The following COL26A1 variants were observed in gnomAD, a reference collection of about 807,000 sequenced individuals.
COL26A1 encodes the protein collagen type XXVI alpha 1 chain, also known as collagen alpha-1(XXVI) chain.
COL26A1 carries 41 observed loss-of-function variants against 59.3 expected under a neutral mutation model. The ratio of observed to expected loss-of-function variants is 0.69; its 90% CI spans 0.54 to 0.90. COL26A1 has a LOEUF of 0.90. Ranked by LOEUF, COL26A1 falls within the 40% of genes least tolerant of loss-of-function variation. The pLI, the probability that COL26A1 is intolerant of heterozygous loss-of-function variation, is 0.00. For missense variants in COL26A1, 612 were observed against 602.3 expected (o/e 1.02, Z -0.17); for synonymous variants, 266 against 256.0 (o/e 1.04, Z -0.37).
intron 3 of COL26A1, among the ~76,000 whole-genome samples, chr7:101,509,445 C>CA (rs34643554): frequency 1.5e-4 from 22 of 151,236 alleles, no homozygotes; most frequent in Admixed American, 5.3e-4. Context: ...GACCCTGTCT[C>CA]AAAAAAAAGA....
intron 3 of COL26A1, among the ~76,000 whole-genome samples, chr7:101,476,944 A>G (rs865964074): frequency 4.1e-5 from 6 of 145,576 alleles, no homozygotes; most frequent in Non-Finnish European, 7.6e-5. Flanking sequence ...CCTGGGTTCA[A>G]GTGATTCTCC....
chr7:101,480,658 G>A (rs1333005102), intron 3 of COL26A1, among the ~76,000 whole-genome samples: 1 of 151,984 alleles, frequency 6.6e-6, no homozygotes, highest in Non-Finnish European at 1.5e-5. Context: ...GCGTCACCAT[G>A]CCCAGCTTTT....
intron 3 of COL26A1, among the ~76,000 whole-genome samples, chr7:101,480,257 A>G (rs1476023969): frequency 2.0e-5 from 3 of 151,914 alleles, no homozygotes; most frequent in African/African-American, 7.2e-5. Flanking sequence ...CTTTCATTTT[A>G]TTTGTCTTCT....
At chr7:101,430,935 A>G (rs1295424016) in intron 2 of COL26A1, among the ~76,000 whole-genome samples, 3 of 152,078 alleles carry the variant, frequency 2.0e-5, no homozygotes, top group Non-Finnish European at 4.4e-5. Context: ...CTGGGATTAC[A>G]GGTGGCCCAC....
At chr7:101,499,061 G>C (rs1293374247) in intron 3 of COL26A1, among the ~76,000 whole-genome samples, 1 of 152,234 alleles carries the variant, frequency 6.6e-6, no homozygotes, top group Non-Finnish European at 1.5e-5. Context: ...ATGCTTTCCA[G>C]ATTGGGGGCG....
intron 3 of COL26A1, among the ~76,000 whole-genome samples, chr7:101,506,055 C>A (rs1050506224): frequency 6.6e-6 from 1 of 152,180 alleles, no homozygotes; most frequent in Non-Finnish European, 1.5e-5. Flanking sequence ...ACACCACAGC[C>A]CTTGAATTCT....
intron 3 of COL26A1, among the ~76,000 whole-genome samples, chr7:101,521,821 A>G (rs1366132345): frequency 1.3e-5 from 2 of 151,998 alleles, no homozygotes; most frequent in Admixed American, 6.6e-5. Flanking sequence ...CTGAATTCCA[A>G]CACCTTAGAC....
chr7:101,514,830 G>A (rs1051967201), intron 3 of COL26A1, among the ~76,000 whole-genome samples: 3 of 152,204 alleles, frequency 2.0e-5, no homozygotes, highest in Non-Finnish European at 2.9e-5. Flanking sequence ...CTACCCATCC[G>A]CCACCACCAT....
At position 101,421,143 on chromosome 7, in the gene COL26A1, T is replaced by C. The variant is rs150618609; in HGVS notation, c.281+1044T>C. On this transcript the variant is annotated intron_variant, in intron 2 of 12. Coordinates refer to ENST00000313669, the MANE Select transcript of COL26A1 (RefSeq NM_001278563.3). Reference sequence around the variant, plus strand: ...AGGGAGAGTGGGAGAGAGATTGAAATGGTAAGGAATTGGCTTGTATGATTA... The same window carrying C: ...AGGGAGAGTGGGAGAGAGATTGAAACGGTAAGGAATTGGCTTGTATGATTA... Among the ~76,000 whole-genome samples the C allele has an allele frequency of 3.8e-3, 581 of 152,172 alleles. 3 individuals carry two copies. The highest frequency in any genetic ancestry group is 0.013 in the African/African-American group (559 of 41,520).
At chr7:101,396,171 G>T (rs958488821) in intron 1 of COL26A1, among the ~76,000 whole-genome samples, 1 of 151,974 alleles carries the variant, frequency 6.6e-6, no homozygotes, top group Admixed American at 6.6e-5. Flanking sequence ...GGAGGGTGAG[G>T]GGGGGATAAT....
At chr7:101,425,154 A>C (rs573866569) in intron 2 of COL26A1, among the ~76,000 whole-genome samples, 1 of 147,970 alleles carries the variant, frequency 6.8e-6, no homozygotes, top group South Asian at 2.1e-4. Context: ...TGGGAGGCTC[A>C]GATGGGTGGA....
At chr7:101,430,891 T>C (rs1792763298) in intron 2 of COL26A1, among the ~76,000 whole-genome samples, 1 of 152,100 alleles carries the variant, frequency 6.6e-6, no homozygotes, top group Non-Finnish European at 1.5e-5. Flanking sequence ...CCTCCCGGGT[T>C]CAAGCAATTC....
chr7:101,491,081 CAA>C (rs796084205), intron 3 of COL26A1, among the ~76,000 whole-genome samples: 6 of 136,084 alleles, frequency 4.4e-5, no homozygotes, highest in Admixed American at 7.5e-5. Context: ...ATGTGTGAGG[CAA>C]AAAAAAAAAG....
At chr7:101,476,994 C>T (rs1486422043) in intron 3 of COL26A1, among the ~76,000 whole-genome samples, 1 of 152,056 alleles carries the variant, frequency 6.6e-6, no homozygotes, top group Non-Finnish European at 1.5e-5. Flanking sequence ...CAGGCATGCA[C>T]CACCACGCCC....
intron 3 of COL26A1, among the ~76,000 whole-genome samples, chr7:101,463,520 C>G (rs1167968600): frequency 5.9e-5 from 6 of 101,270 alleles, no homozygotes; most frequent in Admixed American, 9.4e-5. Context: ...TCCCTTCCCC[C>G]CTCTTCCCCC....
At chr7:101,363,226 G>A (rs771382326) in intron 1 of COL26A1, 36 bp downstream of exon 1, 1 of 1,224,406 alleles carries the variant, frequency 8.2e-7, no homozygotes, top group South Asian at 1.6e-5. Context: ...GGGGGGTGGG[G>A]GGAGGGAGCG....
chr7:101,422,401 T>C (rs1036616132), intron 2 of COL26A1, among the ~76,000 whole-genome samples: 1 of 150,532 alleles, frequency 6.6e-6, no homozygotes, highest in Non-Finnish European at 1.5e-5. Flanking sequence ...AAAAGCTTTT[T>C]CCTTTTCAGC....
At chr7:101,528,103 G>A (rs1795288124) in intron 3 of COL26A1, among the ~76,000 whole-genome samples, 1 of 152,114 alleles carries the variant, frequency 6.6e-6, no homozygotes, top group African/African-American at 2.4e-5. Context: ...GGGCCTCTAG[G>A]GCCTCACCAC....
intron 1 of COL26A1, among the ~76,000 whole-genome samples, chr7:101,390,470 G>A (rs1209436058): frequency 6.6e-6 from 1 of 152,130 alleles, no homozygotes. Flanking sequence ...CTGTTGTTCA[G>A]GCTGGAGGGC....
Sources: gnomAD v4.1 joint callset for allele counts (sites outside exome capture counted in the v4.1 genomes callset) on GRCh38, gnomAD v4.1.1 for gene constraint, MANE v1.5 for transcripts, NCBI Gene and HGNC (gene_info 2026-07-23, HGNC 2026-07-21) for gene names.